Variants in TLK1 observed in about 807,000 individuals in gnomAD.
TLK1 encodes the protein serine/threonine-protein kinase tousled-like 1.
Under a neutral mutation model 105.3 loss-of-function variants are expected in TLK1, and 24 were observed. That is an observed-to-expected ratio of 0.23 (90% CI 0.17 to 0.32). The LOEUF (loss-of-function observed/expected upper bound fraction) is 0.32, where lower values mean the gene tolerates loss of function less well. Ranked by LOEUF, TLK1 falls within the 10% of genes least tolerant of loss-of-function variation. TLK1 has a pLI of 1.00. For missense variants in TLK1, 558 were observed against 910.5 expected (o/e 0.61, Z 4.98); for synonymous variants, 321 against 310.4 (o/e 1.03, Z -0.36).
At chr2:171,055,915 T>A (rs1687480025) in intron 6 of TLK1, among the ~76,000 whole-genome samples, 2 of 152,038 alleles carry the variant, frequency 1.3e-5, no homozygotes, top group African/African-American at 4.8e-5. Flanking sequence ...TATTGAACTT[T>A]CACACAATGA....
At chr2:171,196,242 G>A (rs1243274648) in intron 1 of TLK1, among the ~76,000 whole-genome samples, 2 of 151,612 alleles carry the variant, frequency 1.3e-5, no homozygotes, top group Non-Finnish European at 2.9e-5. Context: ...TCAGCCTCCT[G>A]AGTAGCTTTG....
intron 1 of TLK1, among the ~76,000 whole-genome samples, chr2:171,210,971 G>C (rs533679073): frequency 6.6e-6 from 1 of 152,316 alleles, no homozygotes; most frequent in South Asian, 2.1e-4. Context: ...ATGTGCCAGG[G>C]ACAGCAGTCA....
chr2:171,054,754 C>T (rs566423217), intron 7 of TLK1: 37 of 169,382 alleles, frequency 2.2e-4, no homozygotes, highest in Non-Finnish European at 3.8e-4. Context: ...TTAATAAATA[C>T]AGTCAAATGA....
intron 1 of TLK1, among the ~76,000 whole-genome samples, chr2:171,221,654 C>T (rs1693812255): frequency 6.6e-6 from 1 of 152,146 alleles, no homozygotes. Context: ...TTTATTTTCT[C>T]ACAGTTCTAG....
intron 1 of TLK1, among the ~76,000 whole-genome samples, chr2:171,139,969 A>C (rs1428493441): frequency 6.6e-6 from 1 of 152,208 alleles, no homozygotes; most frequent in East Asian, 1.9e-4. Flanking sequence ...CTGAGAATCT[A>C]ATGCCACGGA....
At chr2:171,181,822 G>A (rs564471194) in intron 1 of TLK1, among the ~76,000 whole-genome samples, 36 of 152,132 alleles carry the variant, frequency 2.4e-4, no homozygotes, top group Admixed American at 2.2e-3. Context: ...TGTGAGATTC[G>A]AAGGGGTAGA....
chr2:171,107,581 A>C (rs1302426718), intron 2 of TLK1, among the ~76,000 whole-genome samples: 1 of 152,154 alleles, frequency 6.6e-6, no homozygotes, highest in African/African-American at 2.4e-5. Flanking sequence ...ATGAACCAGG[A>C]ATCCTTGGAG....
chr2:171,224,486 T>G (rs1425805592), intron 1 of TLK1, among the ~76,000 whole-genome samples: 1 of 152,168 alleles, frequency 6.6e-6, no homozygotes, highest in Non-Finnish European at 1.5e-5. Flanking sequence ...TGATAGGGAT[T>G]GCATTGAAAC....
At chr2:171,195,264 A>G (rs1055714931) in intron 1 of TLK1, among the ~76,000 whole-genome samples, 25 of 151,310 alleles carry the variant, frequency 1.7e-4, no homozygotes, top group African/African-American at 4.6e-4. Context: ...AGCACTTTGG[A>G]AGGCGGAGGC....
At position 171,020,401 on chromosome 2, in the gene TLK1, A is replaced by G. The variant is rs554113626; in HGVS notation, c.1237-5453T>C. On this transcript the variant is annotated intron_variant, in intron 12 of 20. Coordinates refer to ENST00000431350, the MANE Select transcript of TLK1 (RefSeq NM_012290.5). ...CTAAAAATATATAAATTAGCCGGGC[A>G]TGGTGGCAGGAGCCTGTAGTCCCAG... is the stretch of plus-strand genomic sequence containing the variant. 1.5e-4 allele frequency among the ~76,000 whole-genome samples: 23 copies of G among 151,976 alleles called. No homozygotes were observed. In the East Asian group the frequency reaches 4.5e-3, roughly 29 times the overall value.
intron 4 of TLK1, among the ~76,000 whole-genome samples, chr2:171,060,335 C>T (rs1025886111): frequency 2.0e-5 from 3 of 152,100 alleles, no homozygotes; most frequent in Non-Finnish European, 4.4e-5. Context: ...AACTGAGATA[C>T]AAAATACAAT....
At chr2:171,159,906 C>A in intron 1 of TLK1, 1 of 172,356 alleles carries the variant, frequency 5.8e-6, no homozygotes, top group Non-Finnish European at 1.2e-5. Flanking sequence ...GAGGGAAAAC[C>A]CACCAGAGAC....
chr2:171,050,018 G>A, intron 9 of TLK1, 46 bp downstream of exon 9: 1 of 1,608,754 alleles, frequency 6.2e-7, no homozygotes, highest in Non-Finnish European at 8.5e-7. Context: ...CAAAGCAAAA[G>A]GGGCTAATGA....
chr2:171,128,676 C>CT (rs1229261833), intron 1 of TLK1, among the ~76,000 whole-genome samples: 2 of 152,138 alleles, frequency 1.3e-5, no homozygotes, highest in East Asian at 3.8e-4. Flanking sequence ...CCAAGTTCCT[C>CT]TTCCTCTAGC....
chr2:171,093,294 C>A (rs1048317434), intron 2 of TLK1, among the ~76,000 whole-genome samples: 1 of 152,102 alleles, frequency 6.6e-6, no homozygotes, highest in Non-Finnish European at 1.5e-5. Context: ...AAAATTTTGT[C>A]TAGGTACACA....
chr2:171,226,813 G>A (rs1244169084), intron 1 of TLK1, among the ~76,000 whole-genome samples: 2 of 152,034 alleles, frequency 1.3e-5, no homozygotes, highest in African/African-American at 4.8e-5. Flanking sequence ...AAATCATCCA[G>A]CTAGAATGAA....
chr2:171,123,057 T>TAAATAC (rs376713876), intron 1 of TLK1, among the ~76,000 whole-genome samples: 4 of 141,218 alleles, frequency 2.8e-5, no homozygotes, highest in South Asian at 2.3e-4. Flanking sequence ...AATAAATAAA[T>TAAATAC]ACACACACAC....
At chr2:171,069,105 C>T (rs186495930) in intron 3 of TLK1, among the ~76,000 whole-genome samples, 78 of 152,288 alleles carry the variant, frequency 5.1e-4, no homozygotes, top group African/African-American at 1.7e-3. Flanking sequence ...TTGATAATTA[C>T]TGTAAGTTAT....
intron 18 of TLK1, among the ~76,000 whole-genome samples, chr2:170,998,176 ATAG>A (rs1018140079): frequency 2.8e-4 from 43 of 152,222 alleles, no homozygotes; most frequent in African/African-American, 1.0e-3. Context: ...GTATCTAATA[ATAG>A]TAGAAGAAAC....
Sources: allele counts gnomAD v4.1 joint callset (sites outside exome capture counted in the v4.1 genomes callset), GRCh38; gene constraint gnomAD v4.1.1; transcripts MANE v1.5; gene names NCBI Gene and HGNC (gene_info 2026-07-23, HGNC 2026-07-21).